Variants in DLG2 observed in about 807,000 individuals in gnomAD.
DLG2 encodes discs large MAGUK scaffold protein 2.
DLG2 carries 45 observed loss-of-function variants against 132.5 expected under a neutral mutation model. The observed-to-expected ratio is 0.34, with a 90% CI of 0.27 to 0.44. DLG2 has a LOEUF of 0.44. DLG2 is among the 20% of genes least tolerant of loss of function. The probability of loss-of-function intolerance (pLI) is 1.00; values close to 1 mark genes in which losing one functional copy is unlikely to be tolerated. For missense variants in DLG2, 1,045 were observed against 1,196.9 expected (o/e 0.87, Z 1.87); for synonymous variants, 424 against 419.6 (o/e 1.01, Z -0.13).
chr11:85,454,226 T>TAATG (rs1302460359), intron 3 of DLG2, among the ~76,000 whole-genome samples: 2 of 151,776 alleles, frequency 1.3e-5, no homozygotes, highest in Non-Finnish European at 2.9e-5. Flanking sequence ...TGAGTTTTAA[T>TAATG]AATGGCCAGT....
intron 3 of DLG2, among the ~76,000 whole-genome samples, chr11:85,497,639 G>T (rs1453363398): frequency 6.6e-6 from 1 of 151,980 alleles, no homozygotes; most frequent in Non-Finnish European, 1.5e-5. Context: ...ATTTCACCAA[G>T]GTTGAAATGA....
At chr11:83,984,227 T>TAGATAGATAGAG (rs1555226829) in intron 11 of DLG2, among the ~76,000 whole-genome samples, 38 of 110,670 alleles carry the variant, frequency 3.4e-4, no homozygotes, top group African/African-American at 1.7e-3. Context: ...GATAGATAGA[T>TAGATAGATAGAG]AGATAGATAA....
chr11:84,949,182 A>G (rs962245523), intron 6 of DLG2, among the ~76,000 whole-genome samples: 1 of 152,162 alleles, frequency 6.6e-6, no homozygotes, highest in African/African-American at 2.4e-5. Flanking sequence ...GTGATGGCCC[A>G]CAAGCCACAA....
intron 3 of DLG2, among the ~76,000 whole-genome samples, chr11:85,393,371 G>C (rs2086975336): frequency 6.6e-6 from 1 of 152,144 alleles, no homozygotes; most frequent in Non-Finnish European, 1.5e-5. Flanking sequence ...TACACTGTTG[G>C]TGGGAATGTA....
At chr11:85,345,700 C>G (rs573737623) in intron 3 of DLG2, among the ~76,000 whole-genome samples, 1 of 152,146 alleles carries the variant, frequency 6.6e-6, no homozygotes, top group African/African-American at 2.4e-5. Flanking sequence ...TCTTTCATCC[C>G]TCTTTCTACT....
At chr11:84,522,181 C>CAAAAA (rs1257824594) in intron 7 of DLG2, among the ~76,000 whole-genome samples, 1 of 93,036 alleles carries the variant, frequency 1.1e-5, no homozygotes, top group Admixed American at 1.1e-4. Flanking sequence ...AACGAACAAA[C>CAAAAA]AAAAAAAAAA....
At chr11:83,625,437 C>T (rs2062351760) in intron 19 of DLG2, among the ~76,000 whole-genome samples, 1 of 152,174 alleles carries the variant, frequency 6.6e-6, no homozygotes, top group African/African-American at 2.4e-5. Flanking sequence ...ATGTTTGCTA[C>T]TATAGAGAAA....
intron 6 of DLG2, among the ~76,000 whole-genome samples, chr11:84,703,469 T>C (rs1365471030): frequency 6.6e-6 from 1 of 151,368 alleles, no homozygotes; most frequent in Non-Finnish European, 1.5e-5. Flanking sequence ...ATTCAACAAA[T>C]GAAGAAAACA....
chr11:83,585,478 T>C (rs973358537), intron 19 of DLG2, among the ~76,000 whole-genome samples: 1 of 152,214 alleles, frequency 6.6e-6, no homozygotes, highest in Admixed American at 6.5e-5. Flanking sequence ...CCTCAACTAC[T>C]TATACTGGTG....
intron 2 of DLG2, among the ~76,000 whole-genome samples, chr11:85,615,529 T>C (rs1451947219): frequency 2.0e-5 from 3 of 151,970 alleles, no homozygotes; most frequent in Non-Finnish European, 4.4e-5. Context: ...AAAAAAAAGA[T>C]TAAAAATTGC....
intron 20 of DLG2, among the ~76,000 whole-genome samples, chr11:83,534,824 T>C (rs1348037415): frequency 6.6e-6 from 1 of 152,134 alleles, no homozygotes; most frequent in Non-Finnish European, 1.5e-5. Flanking sequence ...ACACCTGTAA[T>C]CCCAGCTACG....
Position 83,801,839 on chromosome 11 carries a change from A to G in DLG2, c.1723-15047T>C, listed in dbSNP as rs191855956. ...ACTCCATACTTTTAGTGCTGACTAC[A>G]CTATGTAGATATTCAACAATATTCC... On this transcript the variant is annotated intron_variant, in intron 17 of 27. Transcript: ENST00000376104. Among the ~76,000 whole-genome samples the G allele has an allele frequency of 2.0e-3, 297 of 152,260 alleles. 1 individual carries two copies. The highest frequency in any genetic ancestry group is 6.9e-3 in the African/African-American group (286 of 41,566).
chr11:85,335,634 T>C (rs2082075880), intron 3 of DLG2, among the ~76,000 whole-genome samples: 1 of 152,224 alleles, frequency 6.6e-6, no homozygotes, highest in Admixed American at 6.5e-5. Flanking sequence ...CATTTGCTTG[T>C]CTAAAAAGGA....
chr11:84,680,446 T>C (rs960083675), intron 6 of DLG2, among the ~76,000 whole-genome samples: 6 of 152,144 alleles, frequency 3.9e-5, no homozygotes, highest in Non-Finnish European at 8.8e-5. Context: ...AATTCCAAGG[T>C]GAATCTACCT....
chr11:83,586,619 T>C (rs1432045), intron 19 of DLG2, among the ~76,000 whole-genome samples: 2,923 of 152,306 alleles, frequency 0.019, 99 homozygotes, highest in African/African-American at 0.068. Flanking sequence ...ATTTATTGAG[T>C]GCCACATACT....
chr11:85,335,456 A>T (rs1197063753), intron 3 of DLG2, among the ~76,000 whole-genome samples: 1 of 152,102 alleles, frequency 6.6e-6, no homozygotes, highest in Non-Finnish European at 1.5e-5. Context: ...TCTTGTCATC[A>T]TGTTAGCTAG....
intron 18 of DLG2, among the ~76,000 whole-genome samples, chr11:83,741,845 AAAAAAAAAAAATGC>A (rs943093624): frequency 7.0e-6 from 1 of 142,968 alleles, no homozygotes; most frequent in Admixed American, 6.9e-5. Flanking sequence ...TGTCTCTACT[AAAAAAAAAAAATGC>A]AAAAAATTAG....
At chr11:85,591,241 A>G (rs2079309809) in intron 3 of DLG2, among the ~76,000 whole-genome samples, 1 of 152,170 alleles carries the variant, frequency 6.6e-6, no homozygotes, top group Non-Finnish European at 1.5e-5. Flanking sequence ...TTTGAGCCAC[A>G]TTTTATGCTC....
chr11:85,331,000 C>T lies in DLG2; in HGVS notation c.41-45635G>A, dbSNP rs137918914. Among the ~76,000 whole-genome samples the T allele has an allele frequency of 2.2e-3, 331 of 152,148 alleles. 1 individual carries two copies. The highest frequency in any genetic ancestry group is 7.7e-3 in the African/African-American group (321 of 41,526). On this transcript the variant is annotated intron_variant, in intron 3 of 27. Coordinates refer to ENST00000376104, the MANE Select transcript of DLG2 (RefSeq NM_001142699.3). ...GGTAACATGCAGGGATGATAAAATA[C>T]AAACTATTTATATGAGGCACGAAGC... is the stretch of plus-strand genomic sequence containing the variant.
Sources: allele counts gnomAD v4.1 joint callset (sites outside exome capture counted in the v4.1 genomes callset), GRCh38; gene constraint gnomAD v4.1.1; transcripts MANE v1.5; gene names NCBI Gene and HGNC (gene_info 2026-07-23, HGNC 2026-07-21).